The following PCDH11X variants were observed in gnomAD, a reference collection of about 807,000 sequenced individuals.
PCDH11X encodes the protein protocadherin-11 X-linked.
A neutral mutation model predicts 53.3 loss-of-function variants in PCDH11X; 18 were observed. The observed-to-expected ratio is 0.34, with a 90% confidence interval of 0.23 to 0.50. The LOEUF is 0.50. Among genes scored for constraint, PCDH11X ranks in the 20% least tolerant of loss-of-function variants. The pLI, the probability that PCDH11X is intolerant of heterozygous loss-of-function variation, is 0.98. For synonymous variants in PCDH11X, 279 were observed against 393.3 expected (o/e 0.71, Z 3.44); for missense variants, 570 against 1,032.4 (o/e 0.55, Z 6.14).
chrX:92,581,658 G>C (rs1477991685), intron 10 of PCDH11X, among the ~76,000 whole-genome samples: 4 of 111,977 alleles, frequency 3.6e-5, no homozygotes, highest in African/African-American at 6.5e-5. Flanking sequence ...TTGGTACTGA[G>C]AGTGGGGTGC....
At chrX:91,881,026 A>G (rs902034836) in intron 6 of PCDH11X, among the ~76,000 whole-genome samples, 3 of 111,430 alleles carry the variant, frequency 2.7e-5, no homozygotes, top group African/African-American at 6.5e-5. Flanking sequence ...ACATATGTAG[A>G]TCATCATTTT....
intron 7 of PCDH11X, among the ~76,000 whole-genome samples, chrX:92,260,040 G>T (rs1409348889): frequency 9.1e-6 from 1 of 110,226 alleles, no homozygotes; most frequent in East Asian, 2.9e-4. Context: ...GGTGCCATGA[G>T]CTGTGCAGCC....
intron 7 of PCDH11X, among the ~76,000 whole-genome samples, chrX:92,247,487 G>C (rs1444676184): frequency 8.9e-6 from 1 of 111,959 alleles, no homozygotes; most frequent in Non-Finnish European, 1.9e-5. Flanking sequence ...CACGAAGTTT[G>C]GTGGCTTAAA....
intron 1 of PCDH11X, chrX:91,798,293 AAC>A (rs1202797467): frequency 2.7e-5 from 3 of 111,179 alleles, no homozygotes; most frequent in Non-Finnish European, 3.8e-5. Flanking sequence ...CGGGGGTTAA[AAC>A]ACAGTGTTAC....
chrX:92,488,220 C>T (rs2073685504), intron 10 of PCDH11X, among the ~76,000 whole-genome samples: 1 of 109,904 alleles, frequency 9.1e-6, no homozygotes, highest in African/African-American at 3.3e-5. Flanking sequence ...GACAGGAGGA[C>T]TGTATACTTG....
intron 5 of PCDH11X, among the ~76,000 whole-genome samples, chrX:91,845,341 G>A (rs1359660339): frequency 5.5e-5 from 6 of 108,891 alleles, no homozygotes; most frequent in African/African-American, 2.1e-4. Context: ...TGTGTTTCAG[G>A]AGGCATTTAA....
chrX:92,472,631 A>AT (rs1301970089), intron 10 of PCDH11X, among the ~76,000 whole-genome samples: 1 of 109,891 alleles, frequency 9.1e-6, no homozygotes, highest in Non-Finnish European at 1.9e-5. Flanking sequence ...ATTTTTAAAT[A>AT]TTTTTTTAAA....
chrX:91,807,073 T>C (rs1266861769), intron 1 of PCDH11X, among the ~76,000 whole-genome samples: 16 of 106,040 alleles, frequency 1.5e-4, no homozygotes, highest in Non-Finnish European at 2.9e-4. Context: ...ACACAGTGGC[T>C]GAAAGCCCAT....
chrX:92,345,651 A>G (rs766148242), intron 8 of PCDH11X, among the ~76,000 whole-genome samples: 1 of 111,735 alleles, frequency 8.9e-6, no homozygotes, highest in South Asian at 3.7e-4. Flanking sequence ...AGAAATCTCA[A>G]AAAAATTGTT....
chrX:92,435,957 A>G (rs2072360098), intron 9 of PCDH11X, among the ~76,000 whole-genome samples: 1 of 109,448 alleles, frequency 9.1e-6, no homozygotes, highest in African/African-American at 3.3e-5. Flanking sequence ...TTGAATGTAA[A>G]TTGGCTAAAT....
chrX:91,781,966 C>T (rs1355550280), intron 1 of PCDH11X, among the ~76,000 whole-genome samples: 1 of 111,909 alleles, frequency 8.9e-6, no homozygotes, highest in Non-Finnish European at 1.9e-5. Context: ...GCGCCTTTGC[C>T]TACCAGGCCG....
intron 4 of PCDH11X, among the ~76,000 whole-genome samples, chrX:91,825,235 T>C (rs913095259): frequency 4.6e-5 from 5 of 109,332 alleles, no homozygotes; most frequent in Non-Finnish European, 9.4e-5. Context: ...TTTGTTTACC[T>C]AAGGAAGCCT....
chrX:91,972,505 G>A (rs745544752), intron 6 of PCDH11X, among the ~76,000 whole-genome samples: 2,316 of 109,274 alleles, frequency 0.021, 62 homozygotes, highest in African/African-American at 0.073. Flanking sequence ...TTGGTGTTTT[G>A]GACATGAAGC....
chrX:92,267,370 C>T (rs1209314862), intron 8 of PCDH11X, among the ~76,000 whole-genome samples: 2 of 111,961 alleles, frequency 1.8e-5, no homozygotes, highest in African/African-American at 3.2e-5. Context: ...TCTATATCTG[C>T]CTGAGGTAAA....
chrX:92,222,399 C>T (rs2066898476), intron 7 of PCDH11X, among the ~76,000 whole-genome samples: 1 of 111,437 alleles, frequency 9.0e-6, no homozygotes, highest in African/African-American at 3.3e-5. Flanking sequence ...AAAGATTTGT[C>T]TGTTTTGTTT....
chrX:91,886,942 G>T (rs1940243281), intron 6 of PCDH11X, among the ~76,000 whole-genome samples: 1 of 95,443 alleles, frequency 1.0e-5, no homozygotes, highest in Admixed American at 1.2e-4. Context: ...CTGCACTCCA[G>T]CCTGGGCGAC....
intron 10 of PCDH11X, among the ~76,000 whole-genome samples, chrX:92,523,890 T>A (rs914402832): frequency 8.9e-5 from 10 of 111,762 alleles, no homozygotes; most frequent in African/African-American, 3.3e-4. Flanking sequence ...CATTTGTTTT[T>A]ATGTAATTTT....
At chrX:92,415,846 C>A (rs2148608393) in intron 9 of PCDH11X, among the ~76,000 whole-genome samples, 1 of 111,064 alleles carries the variant, frequency 9.0e-6, no homozygotes, top group African/African-American at 3.3e-5. Context: ...GTTGTGAATA[C>A]CACAAATAAA....
chrX:91,934,119 C>T (rs1364013897), intron 6 of PCDH11X, among the ~76,000 whole-genome samples: 1 of 111,242 alleles, frequency 9.0e-6, no homozygotes, highest in African/African-American at 3.3e-5. Flanking sequence ...AAATATTTCA[C>T]CTCAGCTATT....
Sources: gnomAD v4.1 joint callset for allele counts (sites outside exome capture counted in the v4.1 genomes callset) on GRCh38, gnomAD v4.1.1 for gene constraint, MANE v1.5 for transcripts, NCBI Gene and HGNC (gene_info 2026-07-23, HGNC 2026-07-21) for gene names.